TUSC3: variants seen among roughly 807,000 people sequenced by gnomAD.
The protein encoded by TUSC3 is tumor suppressor candidate 3.
TUSC3 carries 45 observed loss-of-function variants against 44.8 expected under a neutral mutation model. The observed-to-expected ratio is 1.00, with a 90% CI of 0.79 to 1.29. The LOEUF is 1.29. Among genes scored for constraint, TUSC3 ranks in the 50% most tolerant of loss-of-function variants. The pLI is 0.00. For missense variants in TUSC3, 519 were observed against 437.9 expected, an observed-to-expected ratio of 1.19 and a Z score of -1.65; for synonymous variants, 212 against 152.9, an observed-to-expected ratio of 1.39 and a Z score of -2.85.
At chr8:15,609,605 A>T (rs572370720) in intron 1 of TUSC3, among the ~76,000 whole-genome samples, 1 of 152,294 alleles carries the variant, frequency 6.6e-6, no homozygotes, top group South Asian at 2.1e-4. Context: ...GACCCATTTG[A>T]TGACTGTCCC....
At chr8:15,503,937 C>G (rs1039837533) in intron 2 of TUSC3, among the ~76,000 whole-genome samples, 3 of 148,798 alleles carry the variant, frequency 2.0e-5, no homozygotes, top group Non-Finnish European at 4.4e-5. Context: ...ATTGCTTGAA[C>G]AGGGGAGGTG....
At chr8:15,446,592 C>T (rs187750514) in intron 1 of TUSC3, among the ~76,000 whole-genome samples, 163 of 151,808 alleles carry the variant, frequency 1.1e-3, no homozygotes, top group Non-Finnish European at 1.9e-3. Flanking sequence ...TCAGGCGTGG[C>T]GGCGGGCGCC....
intron 1 of TUSC3, among the ~76,000 whole-genome samples, chr8:15,420,998 A>C (rs1400631513): frequency 6.6e-6 from 1 of 152,024 alleles, no homozygotes; most frequent in East Asian, 1.9e-4. Flanking sequence ...CTAATTTTTT[A>C]TCTCTTCCCA....
downstream of TUSC3, among the ~76,000 whole-genome samples, chr8:15,771,548 A>G (rs1290652879): frequency 6.6e-6 from 1 of 152,214 alleles, no homozygotes; most frequent in East Asian, 1.9e-4. Flanking sequence ...AGATTGCATA[A>G]TACAGTAACT....
the TUSC3 span, among the ~76,000 whole-genome samples, chr8:15,781,953 CA>C: frequency 6.6e-6 from 1 of 152,084 alleles, no homozygotes; most frequent in African/African-American, 2.4e-5. Context: ...GCCAAGATGG[CA>C]AAAGCCAGTC....
At chr8:15,504,652 T>C (rs1382051383) in intron 2 of TUSC3, among the ~76,000 whole-genome samples, 3 of 138,790 alleles carry the variant, frequency 2.2e-5, no homozygotes, top group Admixed American at 7.5e-5. Flanking sequence ...TAAGTGGGTT[T>C]TTTTTTGTGT....
At chr8:15,672,410 C>G (rs1807987765) in intron 5 of TUSC3, among the ~76,000 whole-genome samples, 1 of 151,704 alleles carries the variant, frequency 6.6e-6, no homozygotes, top group Non-Finnish European at 1.5e-5. Flanking sequence ...GATTAACCTA[C>G]TTAAAACCCT....
At chr8:15,564,602 C>T (rs1159723088) in intron 1 of TUSC3, among the ~76,000 whole-genome samples, 2 of 152,092 alleles carry the variant, frequency 1.3e-5, no homozygotes, top group African/African-American at 4.8e-5. Context: ...ATTTCTTTTA[C>T]ATCCGTTGAT....
chr8:15,767,624 T>C (rs1486982491), downstream of TUSC3, among the ~76,000 whole-genome samples: 1 of 152,162 alleles, frequency 6.6e-6, no homozygotes, highest in Non-Finnish European at 1.5e-5. Context: ...TCTTGAAGAC[T>C]GCAGCCTGCA....
intron 2 of TUSC3, 59 bp from the exon 3 acceptor site, chr8:15,650,638 C>A: frequency 6.8e-7 from 1 of 1,463,666 alleles, no homozygotes. Context: ...GTTTTAATAA[C>A]TGCTTTGTAG....
chr8:15,448,110 T>TATAC (rs1265808552), intron 1 of TUSC3, among the ~76,000 whole-genome samples: 4 of 110,932 alleles, frequency 3.6e-5, no homozygotes, highest in South Asian at 6.5e-4. Flanking sequence ...TGTATATACA[T>TATAC]ATATATATAT....
At chr8:15,832,605 G>C in the TUSC3 span, among the ~76,000 whole-genome samples, 1 of 152,048 alleles carries the variant, frequency 6.6e-6, no homozygotes, top group African/African-American at 2.4e-5. Context: ...CAAGCAAATG[G>C]AGAACAGAAA....
At chr8:15,606,727 G>A (rs1225217882) in intron 1 of TUSC3, among the ~76,000 whole-genome samples, 1 of 152,046 alleles carries the variant, frequency 6.6e-6, no homozygotes, top group African/African-American at 2.4e-5. Context: ...ATTTACGTGT[G>A]TACTTTGTCT....
chr8:15,481,072 A>G (rs1447901776), intron 1 of TUSC3, among the ~76,000 whole-genome samples: 1 of 151,906 alleles, frequency 6.6e-6, no homozygotes, highest in Non-Finnish European at 1.5e-5. Context: ...ACGTGGAGAA[A>G]CCCTGTCTCT....
chr8:15,723,705 G>C (rs961312978), intron 6 of TUSC3, among the ~76,000 whole-genome samples: 5 of 152,114 alleles, frequency 3.3e-5, no homozygotes, highest in African/African-American at 7.2e-5. Flanking sequence ...TAAAATGTTA[G>C]AGTGGGATTT....
At position 15,662,278 on chromosome 8, in the gene TUSC3, T is replaced by C; in HGVS notation, c.690T>C (p.Gly230=). The part of the protein sequence containing the change: ...NNLEFIYNKT[G]WAMVSLCIVF... Reference sequence around the variant, plus strand: ...TGGAGTTCATCTATAACAAGACTGGTTGGGCCATGGTGTCTCTGGTATGTT... The same window carrying C: ...TGGAGTTCATCTATAACAAGACTGGCTGGGCCATGGTGTCTCTGGTATGTT... Residue 230 remains glycine (G), a synonymous_variant, in exon 5 of 11, where the codon GGT becomes GGC. Coordinates refer to ENST00000503731, the MANE Select transcript of TUSC3 (RefSeq NM_006765.4). 1 of 1,612,976 alleles carries C rather than the reference T, an allele frequency of 6.2e-7. No homozygotes were observed. The highest frequency in any genetic ancestry group is 8.5e-7 in the Non-Finnish European group (1 of 1,179,156).
At chr8:15,699,233 G>T (rs1809297306) in intron 6 of TUSC3, among the ~76,000 whole-genome samples, 1 of 146,824 alleles carries the variant, frequency 6.8e-6, no homozygotes, top group Non-Finnish European at 1.5e-5. Flanking sequence ...CAACTATTCA[G>T]TGAATTGTAA....
intron 1 of TUSC3, among the ~76,000 whole-genome samples, chr8:15,472,487 T>C (rs1047410966): frequency 1.3e-5 from 2 of 152,198 alleles, no homozygotes; most frequent in Non-Finnish European, 2.9e-5. Context: ...TTTCTTCCAT[T>C]AGAGGGAAAA....
At chr8:15,766,823 G>A (rs954641042), downstream of TUSC3, among the ~76,000 whole-genome samples, 2 of 152,092 alleles carry the variant, frequency 1.3e-5, no homozygotes, top group Non-Finnish European at 2.9e-5. Flanking sequence ...TACGTGAAGG[G>A]AGTGGTTATT....
Sources: allele counts gnomAD v4.1 joint callset (sites outside exome capture counted in the v4.1 genomes callset), GRCh38; gene constraint gnomAD v4.1.1; transcripts MANE v1.5; gene names NCBI Gene and HGNC (gene_info 2026-07-23, HGNC 2026-07-21).